The following GNB1 variants were observed in gnomAD, a reference collection of about 807,000 sequenced individuals.
GNB1 encodes the protein G protein subunit beta 1, also known as guanine nucleotide-binding protein G(I)/G(S)/G(T) subunit beta-1.
A neutral mutation model predicts 42.9 loss-of-function variants in GNB1; 2 were observed. That is an observed-to-expected ratio of 0.05 (90% CI 0.02 to 0.15). GNB1 has a LOEUF of 0.15. Ranked by LOEUF, GNB1 falls within the 10% of genes least tolerant of loss-of-function variation. The probability of loss-of-function intolerance (pLI) is 1.00; values close to 1 mark genes in which losing one functional copy is unlikely to be tolerated. For synonymous variants in GNB1, 183 were observed against 174.7 expected, an observed-to-expected ratio of 1.05 and a Z score of -0.38; for missense variants, 193 against 462.2, an observed-to-expected ratio of 0.42 and a Z score of 5.34.
At chr1:1,832,380 C>T (rs965419493) in intron 2 of GNB1, 23 of 152,156 alleles carry the variant, frequency 1.5e-4, no homozygotes, top group African/African-American at 4.3e-4. Flanking sequence ...AGAGCCCGCC[C>T]GTCTAATCCA....
intron 1 of GNB1, among the ~76,000 whole-genome samples, chr1:1,879,563 G>T (rs957394958): frequency 2.6e-5 from 4 of 152,006 alleles, no homozygotes; most frequent in Admixed American, 2.6e-4. Flanking sequence ...AAATTAGCCA[G>T]GCGTGGTGGC....
chr1:1,823,078 TA>T (rs1341404795), intron 3 of GNB1, among the ~76,000 whole-genome samples: 1 of 151,350 alleles, frequency 6.6e-6, no homozygotes, highest in Admixed American at 6.6e-5. Flanking sequence ...CCATCTCTAC[TA>T]AAAGTACAAA....
intron 2 of GNB1, among the ~76,000 whole-genome samples, chr1:1,836,532 CAG>C (rs897173771): frequency 6.6e-6 from 1 of 151,700 alleles, no homozygotes; most frequent in African/African-American, 2.4e-5. Context: ...GCTGGTACTA[CAG>C]ACACACAACA....
chr1:1,803,618 G>A (rs1348423710), intron 7 of GNB1, among the ~76,000 whole-genome samples: 1 of 152,180 alleles, frequency 6.6e-6, no homozygotes, highest in Non-Finnish European at 1.5e-5. Flanking sequence ...AGGCATATCA[G>A]GCTTGTTTTT....
At position 1,824,578 on chromosome 1, in the gene GNB1, A is replaced by G. The variant is rs556982865; in HGVS notation, c.57+819T>C. 1.3e-4 allele frequency among the ~76,000 whole-genome samples: 19 copies of G among 149,660 alleles called. No homozygotes were observed. The South Asian group carries it at 3.4e-3, about 27-fold the overall frequency. On this transcript the variant is annotated intron_variant, in intron 3 of 11. Coordinates refer to ENST00000378609, the MANE Select transcript of GNB1 (RefSeq NM_002074.5). ...CACACGGTAAATAAATTTATCTTCAATTTTTTTTTTATTTTTCAGGGTCTC... is the reference window on the plus strand; with the variant it reads ...CACACGGTAAATAAATTTATCTTCAGTTTTTTTTTTATTTTTCAGGGTCTC...
At chr1:1,839,413 T>C (rs994065603) in intron 1 of GNB1, among the ~76,000 whole-genome samples, 175 bp from the exon 2 acceptor site, 2 of 152,172 alleles carry the variant, frequency 1.3e-5, no homozygotes, top group Admixed American at 1.3e-4. Context: ...TTTTTCAGCA[T>C]GGGAACAAAA....
At position 1,812,630 on chromosome 1, in the gene GNB1, A is replaced by G. The variant is rs984218709; in HGVS notation, c.203+3126T>C. ...GCACCCTGTCCAAGAACATGGACCA[A>G]TGTGGCACCCCAGCCTCCCACAGGC... is the stretch of plus-strand genomic sequence containing the variant. On this transcript the variant is annotated intron_variant, in intron 5 of 11. Coordinates refer to ENST00000378609, the MANE Select transcript of GNB1 (RefSeq NM_002074.5). Among the ~76,000 whole-genome samples the G allele has an allele frequency of 5.3e-5, 8 of 152,186 alleles. No homozygotes were observed. The South Asian group carries it at 6.2e-4, about 12-fold the overall frequency.
chr1:1,793,462 C>A, intron 7 of GNB1, 151 bp from the exon 8 acceptor site: 1 of 565,840 alleles, frequency 1.8e-6, no homozygotes, highest in Non-Finnish European at 3.4e-6. Context: ...TCTGTGCACA[C>A]AGCAGAAGGT....
chr1:1,798,423 T>C (rs1356111376), intron 7 of GNB1, among the ~76,000 whole-genome samples: 1 of 152,234 alleles, frequency 6.6e-6, no homozygotes, highest in African/African-American at 2.4e-5. Context: ...TCTCACTATA[T>C]GAAGACACCG....
At chr1:1,830,281 G>A (rs1457369180) in intron 2 of GNB1, among the ~76,000 whole-genome samples, 1 of 147,570 alleles carries the variant, frequency 6.8e-6, no homozygotes, top group African/African-American at 2.5e-5. Context: ...TTTTTTTTGA[G>A]ATGGAGTCTT....
chr1:1,884,132 ATTT>A (rs200884371), intron 1 of GNB1, among the ~76,000 whole-genome samples: 6 of 137,050 alleles, frequency 4.4e-5, no homozygotes, highest in African/African-American at 1.1e-4. Context: ...TGCCCGACTA[ATTT>A]TTTTTTTTTT....
intron 2 of GNB1, among the ~76,000 whole-genome samples, chr1:1,838,399 T>C (rs1477228675): frequency 6.6e-6 from 1 of 151,710 alleles, no homozygotes; most frequent in Non-Finnish European, 1.5e-5. Flanking sequence ...AAAAGGTTTT[T>C]GTTTTGTTTT....
chr1:1,857,730 C>T (rs1413698753), intron 1 of GNB1, among the ~76,000 whole-genome samples: 1 of 152,188 alleles, frequency 6.6e-6, no homozygotes, highest in African/African-American at 2.4e-5. Flanking sequence ...GCCAGATAAA[C>T]TGTGGATAGT....
intron 2 of GNB1, among the ~76,000 whole-genome samples, chr1:1,833,634 A>T (rs2101084297): frequency 6.6e-6 from 1 of 152,264 alleles, no homozygotes; most frequent in African/African-American, 2.4e-5. Flanking sequence ...AATCACGTGG[A>T]GTTACAGAGG....
chr1:1,880,437 A>C (rs1187559371), intron 1 of GNB1, among the ~76,000 whole-genome samples: 1 of 151,946 alleles, frequency 6.6e-6, no homozygotes, highest in African/African-American at 2.4e-5. Context: ...AAATACAAAA[A>C]ATTAGCCGGG....
chr1:1,845,625 A>G (rs1168861785), intron 1 of GNB1, among the ~76,000 whole-genome samples: 1 of 152,006 alleles, frequency 6.6e-6, no homozygotes. Flanking sequence ...TGCTTAAAAT[A>G]TTAATATGGA....
intron 1 of GNB1, among the ~76,000 whole-genome samples, chr1:1,882,426 C>CAAAAA (rs5772052): frequency 1.3e-3 from 93 of 71,534 alleles, no homozygotes; most frequent in Middle Eastern, 0.011. Flanking sequence ...GACTCCAACT[C>CAAAAA]AAAAAAAAAA....
At chr1:1,828,216 G>C (rs1307841205) in intron 2 of GNB1, among the ~76,000 whole-genome samples, 1 of 152,198 alleles carries the variant, frequency 6.6e-6, no homozygotes, top group African/African-American at 2.4e-5. Flanking sequence ...AGCTACTCGG[G>C]AGGCTGAGGC....
chr1:1,853,543 T>C (rs532373590), intron 1 of GNB1, among the ~76,000 whole-genome samples: 3 of 152,052 alleles, frequency 2.0e-5, no homozygotes, highest in Non-Finnish European at 4.4e-5. Context: ...GTAAAATATC[T>C]CCCCACCAAG....
Sources: gnomAD v4.1 joint callset for allele counts (sites outside exome capture counted in the v4.1 genomes callset) on GRCh38, gnomAD v4.1.1 for gene constraint, MANE v1.5 for transcripts, NCBI Gene and HGNC (gene_info 2026-07-23, HGNC 2026-07-21) for gene names.